KCTD16: variants seen among roughly 807,000 people sequenced by gnomAD.
The protein encoded by KCTD16 is BTB/POZ domain-containing protein KCTD16.
KCTD16 carries 13 observed loss-of-function variants against 33.2 expected under a neutral mutation model. The ratio of observed to expected loss-of-function variants is 0.39; its 90% confidence interval spans 0.25 to 0.62. KCTD16 has a LOEUF of 0.62. Ranked by LOEUF, KCTD16 falls within the 20% of genes least tolerant of loss-of-function variation. The probability of loss-of-function intolerance (pLI) is 0.50; values close to 1 mark genes in which losing one functional copy is unlikely to be tolerated. For synonymous variants in KCTD16, 197 were observed against 195.3 expected, an observed-to-expected ratio of 1.01 and a Z score of -0.07; for missense variants, 441 against 525.1, an observed-to-expected ratio of 0.84 and a Z score of 1.57.
intron 3 of KCTD16, among the ~76,000 whole-genome samples, chr5:144,440,236 C>T (rs1296182704): frequency 6.6e-6 from 1 of 152,156 alleles, no homozygotes; most frequent in Non-Finnish European, 1.5e-5. Flanking sequence ...GTTGAAAACA[C>T]AGGCTGTTTG....
At chr5:144,425,885 C>A (rs1753318020) in intron 3 of KCTD16, among the ~76,000 whole-genome samples, 1 of 152,084 alleles carries the variant, frequency 6.6e-6, no homozygotes, top group South Asian at 2.1e-4. Context: ...TTTTTAAGGT[C>A]TTTCTCCCAT....
intron 3 of KCTD16, among the ~76,000 whole-genome samples, chr5:144,417,755 T>C (rs553029047): frequency 6.6e-6 from 1 of 152,300 alleles, no homozygotes; most frequent in East Asian, 1.9e-4. Context: ...ATTGATCCTT[T>C]TGAGTTTTTT....
At chr5:144,473,118 C>T (rs1339469266) in intron 3 of KCTD16, among the ~76,000 whole-genome samples, 1 of 152,100 alleles carries the variant, frequency 6.6e-6, no homozygotes, top group Non-Finnish European at 1.5e-5. Context: ...AGAGTCAGTC[C>T]CCTTTCCCTG....
chr5:144,382,337 AT>A (rs1283619086), intron 3 of KCTD16, among the ~76,000 whole-genome samples: 1 of 152,170 alleles, frequency 6.6e-6, no homozygotes, highest in African/African-American at 2.4e-5. Context: ...GCAATACGCA[AT>A]TTACTCAGGT....
At chr5:144,210,286 C>G (rs1341219511) in intron 3 of KCTD16, among the ~76,000 whole-genome samples, 1 of 151,978 alleles carries the variant, frequency 6.6e-6, no homozygotes, top group Non-Finnish European at 1.5e-5. Flanking sequence ...AAAAAGTCAA[C>G]AGGTATTTGT....
Position 144,352,550 on chromosome 5 carries a change from C to T in KCTD16, c.833-121110C>T, listed in dbSNP as rs77223447. 5.6e-4 allele frequency among the ~76,000 whole-genome samples: 86 copies of T among 152,276 alleles called. No homozygotes were observed. In the East Asian group the frequency reaches 0.011, roughly 19 times the overall value. ...CTTGTCTGCCCTGGAACTCTTTGTT[C>T]TCTGGTTTCCGTGGTTGCAGAATCT... On this transcript the variant is annotated intron_variant, in intron 3 of 3. Coordinates refer to ENST00000512467, the MANE Select transcript of KCTD16 (RefSeq NM_020768.4).
At chr5:144,382,323 C>A (rs1752234031) in intron 3 of KCTD16, among the ~76,000 whole-genome samples, 1 of 151,978 alleles carries the variant, frequency 6.6e-6, no homozygotes, top group African/African-American at 2.4e-5. Flanking sequence ...TACACAAAAC[C>A]CCAGCAATAC....
intron 3 of KCTD16, among the ~76,000 whole-genome samples, chr5:144,425,489 T>C (rs997067628): frequency 1.3e-5 from 2 of 151,842 alleles, no homozygotes; most frequent in Admixed American, 6.6e-5. Flanking sequence ...ATTGTCTTCA[T>C]AGGGACTCTA....
intron 3 of KCTD16, among the ~76,000 whole-genome samples, chr5:144,351,733 G>C (rs759902635): frequency 1.5e-4 from 23 of 152,220 alleles, no homozygotes; most frequent in Admixed American, 3.9e-4. Context: ...TAATAAGAAA[G>C]AAATCCTGTC....
intron 3 of KCTD16, among the ~76,000 whole-genome samples, chr5:144,407,627 C>T (rs1001539200): frequency 2.0e-5 from 3 of 152,116 alleles, no homozygotes; most frequent in Non-Finnish European, 4.4e-5. Context: ...TTGCTGCACC[C>T]ATCAACCTTT....
At chr5:144,286,055 T>C (rs540825529) in intron 3 of KCTD16, among the ~76,000 whole-genome samples, 51 of 151,810 alleles carry the variant, frequency 3.4e-4, no homozygotes, top group African/African-American at 1.2e-3. Context: ...TTTTCAATCA[T>C]CACCAATTGC....
chr5:144,338,964 T>G (rs1022372339), intron 3 of KCTD16, among the ~76,000 whole-genome samples: 1 of 152,220 alleles, frequency 6.6e-6, no homozygotes, highest in Non-Finnish European at 1.5e-5. Context: ...TTGTGCTTTA[T>G]AATGCACTGA....
intron 3 of KCTD16, among the ~76,000 whole-genome samples, chr5:144,367,752 A>G (rs963229870): frequency 1.3e-5 from 2 of 150,004 alleles, no homozygotes. Flanking sequence ...GGTTTGTTAC[A>G]AAGATACATT....
intron 3 of KCTD16, among the ~76,000 whole-genome samples, chr5:144,246,059 A>C (rs1049506765): frequency 2.6e-5 from 4 of 152,026 alleles, no homozygotes; most frequent in Non-Finnish European, 5.9e-5. Flanking sequence ...GTCAGTGAGC[A>C]CTCTTGAGGT....
chr5:144,178,502 A>G (rs1416139923), intron 2 of KCTD16, among the ~76,000 whole-genome samples: 1 of 152,158 alleles, frequency 6.6e-6, no homozygotes, highest in Non-Finnish European at 1.5e-5. Context: ...TAGATCTAGA[A>G]GTCAAAGATA....
chr5:144,313,336 C>A (rs1751815558), intron 3 of KCTD16, among the ~76,000 whole-genome samples: 1 of 152,148 alleles, frequency 6.6e-6, no homozygotes, highest in South Asian at 2.1e-4. Context: ...GAACTTTTGC[C>A]AGCTTCAGTT....
intron 3 of KCTD16, among the ~76,000 whole-genome samples, chr5:144,240,049 G>T (rs529179585): frequency 6.6e-6 from 1 of 152,222 alleles, no homozygotes; most frequent in African/African-American, 2.4e-5. Flanking sequence ...GCAGCCCTAT[G>T]AAGTGGGTAC....
chr5:144,394,636 C>G lies in KCTD16; in HGVS notation c.833-79024C>G, dbSNP rs571385187. 5.9e-5 allele frequency among the ~76,000 whole-genome samples: 9 copies of G among 152,224 alleles called. No individual in the cohort carries two copies. The South Asian group carries it at 1.9e-3, about 32-fold the overall frequency. ...CGGACCCAGTGAGATGTGAATGGAT[C>G]ATGGGGATGGGTACCCTCATGCTGT... is the stretch of plus-strand genomic sequence containing the variant. On this transcript the variant is annotated intron_variant, in intron 3 of 3. Coordinates refer to ENST00000512467, the MANE Select transcript of KCTD16 (RefSeq NM_020768.4).
intron 3 of KCTD16, among the ~76,000 whole-genome samples, chr5:144,271,934 A>G (rs1755309213): frequency 6.6e-6 from 1 of 152,114 alleles, no homozygotes; most frequent in Non-Finnish European, 1.5e-5. Context: ...GAAAGAATAA[A>G]ATACATAGGA....
Sources: allele counts gnomAD v4.1 joint callset (sites outside exome capture counted in the v4.1 genomes callset), GRCh38; gene constraint gnomAD v4.1.1; transcripts MANE v1.5; gene names NCBI Gene and HGNC (gene_info 2026-07-23, HGNC 2026-07-21).